FBXL7: variants seen among roughly 807,000 people sequenced by gnomAD.
FBXL7 encodes F-box/LRR-repeat protein 7.
Under a neutral mutation model 38.3 loss-of-function variants are expected in FBXL7, and 12 were observed. That is an observed-to-expected ratio of 0.31 (90% CI 0.20 to 0.51). The LOEUF (loss-of-function observed/expected upper bound fraction) is 0.51, where lower values mean the gene tolerates loss of function less well. Ranked by LOEUF, FBXL7 falls within the 20% of genes least tolerant of loss-of-function variation. The pLI is 0.98. For missense variants in FBXL7, 567 were observed against 676.4 expected, an observed-to-expected ratio of 0.84 and a Z score of 1.79; for synonymous variants, 297 against 300.9, an observed-to-expected ratio of 0.99 and a Z score of 0.13.
At chr5:15,774,030 A>G (rs1349786275) in intron 2 of FBXL7, among the ~76,000 whole-genome samples, 3 of 151,990 alleles carry the variant, frequency 2.0e-5, no homozygotes, top group Non-Finnish European at 4.4e-5. Context: ...CACAAATTTA[A>G]TGACAAAAAA....
chr5:15,629,046 G>A (rs1489026102), intron 2 of FBXL7, among the ~76,000 whole-genome samples: 1 of 151,994 alleles, frequency 6.6e-6, no homozygotes, highest in African/African-American at 2.4e-5. Context: ...GGGAGGCTGA[G>A]GTGGGAGGGT....
chr5:15,613,263 C>T (rs1340139046), intron 1 of FBXL7, among the ~76,000 whole-genome samples: 1 of 152,150 alleles, frequency 6.6e-6, no homozygotes, highest in Non-Finnish European at 1.5e-5. Flanking sequence ...GACACTAGGC[C>T]TGCAGAGTGA....
intron 2 of FBXL7, among the ~76,000 whole-genome samples, chr5:15,768,208 G>C (rs1219029070): frequency 6.6e-6 from 1 of 152,092 alleles, no homozygotes; most frequent in East Asian, 1.9e-4. Flanking sequence ...GAATTCTAAA[G>C]GCAGGTAGAT....
intron 2 of FBXL7, among the ~76,000 whole-genome samples, chr5:15,830,145 G>A (rs1738414107): frequency 1.3e-5 from 2 of 151,966 alleles, no homozygotes; most frequent in African/African-American, 4.8e-5. Context: ...CCCAAACCTG[G>A]GTCCTTCCAA....
intron 2 of FBXL7, among the ~76,000 whole-genome samples, chr5:15,818,827 G>A (rs1347633372): frequency 2.6e-5 from 4 of 151,696 alleles, no homozygotes; most frequent in Non-Finnish European, 5.9e-5. Flanking sequence ...TCATATACCT[G>A]TGCATCTGAA....
In FBXL7 at chr5:15,936,558, T is replaced by C; in HGVS notation, c.848T>C (p.Phe283Ser). The part of the protein sequence containing the change: ...SIRYLDMTDC[F>S]VLEDEGLHTI... Reference sequence around the variant, plus strand: ...CGCTACCTGGACATGACGGACTGCTTCGTGCTGGAGGACGAAGGCCTGCAC... The same window carrying C: ...CGCTACCTGGACATGACGGACTGCTCCGTGCTGGAGGACGAAGGCCTGCAC... The change falls in exon 4 of 4, where the codon TTC becomes TCC. Residue 283 changes from phenylalanine (F) to serine (S), a missense_variant. Transcript: ENST00000504595. This position sits in a 1 kb window ranked among gnomAD's most constrained non-coding sequence, Gnocchi z 6.0. The C allele has an allele frequency of 1.2e-6, 2 of 1,613,292 alleles. No homozygotes were observed. The highest frequency in any genetic ancestry group is 8.5e-7 in the Non-Finnish European group (1 of 1,179,894).
rs185802252 is a variant in FBXL7, at chr5:15,656,433, T to C, written c.127+40361T>C. ...ATCACAGAAGGCAAGGAGGAGCACGTCCCGTCTTACATGGATGGCAGCAGT... is the reference window on the plus strand; with the variant it reads ...ATCACAGAAGGCAAGGAGGAGCACGCCCCGTCTTACATGGATGGCAGCAGT... On this transcript the variant is annotated intron_variant, in intron 2 of 3. Coordinates refer to ENST00000504595, the MANE Select transcript of FBXL7 (RefSeq NM_012304.5). Among the ~76,000 whole-genome samples the C allele has an allele frequency of 3.3e-3, 501 of 152,194 alleles. 2 individuals carry two copies. The highest frequency in any genetic ancestry group is 0.012 in the African/African-American group (485 of 41,518).
intron 2 of FBXL7, among the ~76,000 whole-genome samples, chr5:15,729,451 A>G (rs1209215855): frequency 1.3e-5 from 2 of 152,126 alleles, no homozygotes; most frequent in African/African-American, 2.4e-5. Context: ...GACATGTAAA[A>G]TTTCTGTTAT....
chr5:15,656,602 A>T (rs1389540847), intron 2 of FBXL7, among the ~76,000 whole-genome samples: 1 of 152,134 alleles, frequency 6.6e-6, no homozygotes, highest in Non-Finnish European at 1.5e-5. Context: ...CACAACAATT[A>T]TGGGAGTTAC....
intron 2 of FBXL7, among the ~76,000 whole-genome samples, chr5:15,784,889 A>G (rs986924298): frequency 6.6e-6 from 1 of 152,172 alleles, no homozygotes; most frequent in Non-Finnish European, 1.5e-5. Flanking sequence ...CACACGCACA[A>G]ACACAAAATT....
At chr5:15,515,928 G>C (rs1736923131) in intron 1 of FBXL7, among the ~76,000 whole-genome samples, 1 of 151,936 alleles carries the variant, frequency 6.6e-6, no homozygotes, top group South Asian at 2.1e-4. Flanking sequence ...GAGAAATTTG[G>C]AATTAATTTA....
chr5:15,818,703 CGTGTGTGTGT>C (rs3222099), intron 2 of FBXL7, among the ~76,000 whole-genome samples: 23 of 116,842 alleles, frequency 2.0e-4, no homozygotes, highest in African/African-American at 3.4e-4. Flanking sequence ...CCCATTATTT[CGTGTGTGTGT>C]GTGTGTGTGT....
intron 1 of FBXL7, chr5:15,501,493 A>G (rs948219123): frequency 1.0e-6 from 1 of 985,550 alleles, no homozygotes. Flanking sequence ...CGCATAAGGC[A>G]AAGGCATTTT....
intron 1 of FBXL7, 147 bp from the exon 2 acceptor site, chr5:15,615,836 C>CAA: frequency 5.9e-6 from 3 of 506,202 alleles, no homozygotes; most frequent in Non-Finnish European, 3.5e-6. Context: ...ATGCATAAGG[C>CAA]AAAAAAAAAC....
intron 2 of FBXL7, among the ~76,000 whole-genome samples, chr5:15,702,109 G>A (rs1426127982): frequency 1.3e-5 from 2 of 151,900 alleles, no homozygotes; most frequent in African/African-American, 2.4e-5. Context: ...GTGCTGGCCG[G>A]TTCCTGTAAT....
At chr5:15,552,258 T>C (rs1422697968) in intron 1 of FBXL7, among the ~76,000 whole-genome samples, 1 of 152,214 alleles carries the variant, frequency 6.6e-6, no homozygotes, top group East Asian at 1.9e-4. Context: ...AGAAATACTT[T>C]TATCCTCTGG....
chr5:15,781,432 AGT>A lies in FBXL7; in HGVS notation c.128-146442_128-146441del, dbSNP rs139787474. Among the ~76,000 whole-genome samples the A allele has an allele frequency of 3.2e-3, 454 of 143,680 alleles. 3 individuals carry two copies. Among genetic ancestry groups the A allele is most frequent in the South Asian group, 0.017 (72 of 4,320 alleles). The allele number at this position is 143,680 out of a possible 152,430, so 94.3% of individuals were successfully genotyped here. ...GGATGGGGAAAGGAGAAATTGTGTG[AGT>A]GTGTGTGTGTGTGTGCGCGCGCGTG... On this transcript the variant is annotated intron_variant, in intron 2 of 3. Coordinates refer to ENST00000504595, the MANE Select transcript of FBXL7 (RefSeq NM_012304.5).
chr5:15,843,120 G>A (rs1456190878), intron 2 of FBXL7, among the ~76,000 whole-genome samples: 2 of 151,676 alleles, frequency 1.3e-5, no homozygotes, highest in Admixed American at 1.3e-4. Flanking sequence ...TATCTCTCTT[G>A]TTTATTTCCT....
chr5:15,596,043 C>T (rs80149171), intron 1 of FBXL7, among the ~76,000 whole-genome samples: 12,625 of 152,256 alleles, frequency 0.083, 602 homozygotes, highest in South Asian at 0.12. Flanking sequence ...AATCCTCTTG[C>T]ATGACAGAAG....
Sources: gnomAD v4.1 joint callset for allele counts (sites outside exome capture counted in the v4.1 genomes callset) on GRCh38, gnomAD v4.1.1 for gene constraint, Gnocchi (gnomAD v3.1) non-coding constraint, MANE v1.5 for transcripts, NCBI Gene and HGNC (gene_info 2026-07-23, HGNC 2026-07-21) for gene names.